The following PAX3 variants were observed in gnomAD, a reference collection of about 807,000 sequenced individuals.
PAX3 encodes paired box 3, also known as paired box protein Pax-3.
PAX3 carries 14 observed loss-of-function variants against 51.6 expected under a neutral mutation model. The ratio of observed to expected loss-of-function variants is 0.27; its 90% CI spans 0.18 to 0.42. PAX3 has a LOEUF of 0.42. Ranked by LOEUF, PAX3 falls within the 10% of genes least tolerant of loss-of-function variation. The probability of loss-of-function intolerance (pLI) is 1.00; values close to 1 mark genes in which losing one functional copy is unlikely to be tolerated. For missense variants in PAX3, 540 were observed against 642.8 expected, an observed-to-expected ratio of 0.84 and a Z score of 1.73; for synonymous variants, 280 against 253.4, an observed-to-expected ratio of 1.11 and a Z score of -1.00.
intron 6 of PAX3, among the ~76,000 whole-genome samples, chr2:222,220,932 G>A (rs1483544012): frequency 1.3e-5 from 2 of 152,188 alleles, no homozygotes. Flanking sequence ...GTAAAACGTA[G>A]AGGTAAAATT....
At chr2:222,212,045 A>G (rs988880553) in intron 7 of PAX3, among the ~76,000 whole-genome samples, 2 of 152,134 alleles carry the variant, frequency 1.3e-5, no homozygotes, top group African/African-American at 4.8e-5. Flanking sequence ...CTATAATAGA[A>G]TAGAGTCTGG....
chr2:222,295,687 T>A, intron 2 of PAX3, 30 bp from the exon 3 acceptor site: 1 of 1,613,444 alleles, frequency 6.2e-7, no homozygotes, highest in Non-Finnish European at 8.5e-7. Context: ...CAGGCGTTGG[T>A]ACCCGGTACC....
chr2:222,257,720 G>A (rs911991527), intron 4 of PAX3, among the ~76,000 whole-genome samples: 2 of 152,176 alleles, frequency 1.3e-5, no homozygotes, highest in African/African-American at 4.8e-5. Context: ...AAAGACTAGA[G>A]GGCCCTTCGC....
At chr2:222,214,402 C>T (rs1691871611) in intron 7 of PAX3, 1 of 152,136 alleles carries the variant, frequency 6.6e-6, no homozygotes, top group Non-Finnish European at 1.5e-5. Flanking sequence ...CACTAATAAT[C>T]TCAATTTTAA....
At chr2:222,269,995 A>AT (rs892914343) in intron 4 of PAX3, among the ~76,000 whole-genome samples, 1 of 152,130 alleles carries the variant, frequency 6.6e-6, no homozygotes, top group Non-Finnish European at 1.5e-5. Context: ...TTTAGATAAT[A>AT]TTTTTCCATT....
intron 7 of PAX3, among the ~76,000 whole-genome samples, chr2:222,209,238 A>G (rs955192652): frequency 6.6e-6 from 1 of 152,202 alleles, no homozygotes; most frequent in Non-Finnish European, 1.5e-5. Flanking sequence ...TGTATGATGT[A>G]AGCAAATATT....
At chr2:222,282,472 C>A (rs1694680295) in intron 4 of PAX3, among the ~76,000 whole-genome samples, 2 of 152,124 alleles carry the variant, frequency 1.3e-5, no homozygotes, top group South Asian at 4.2e-4. Context: ...CAGCCATTCC[C>A]AAACTCAAGA....
At chr2:222,246,075 T>C (rs1375208418) in intron 4 of PAX3, among the ~76,000 whole-genome samples, 2 of 152,042 alleles carry the variant, frequency 1.3e-5, no homozygotes, top group Non-Finnish European at 2.9e-5. Flanking sequence ...AGTCAATGGG[T>C]TCACCATGAC....
chr2:222,288,558 C>A (rs879116291), intron 4 of PAX3, among the ~76,000 whole-genome samples: 4 of 152,132 alleles, frequency 2.6e-5, no homozygotes, highest in Admixed American at 2.6e-4. Context: ...GCTATGTTTT[C>A]ATTAAATAAT....
chr2:222,254,127 T>G (rs1693545337), intron 4 of PAX3, among the ~76,000 whole-genome samples: 1 of 152,088 alleles, frequency 6.6e-6, no homozygotes, highest in East Asian at 1.9e-4. Context: ...ACATCCAATC[T>G]CCAGGAAATG....
At chr2:222,218,288 T>C (rs1225810233) in intron 7 of PAX3, among the ~76,000 whole-genome samples, 1 of 152,194 alleles carries the variant, frequency 6.6e-6, no homozygotes, top group Non-Finnish European at 1.5e-5. Flanking sequence ...GGAGATCACA[T>C]TCTAGCAATT....
rs754362174 is a variant in PAX3 at position 222,201,267 on chromosome 2, C to T, written c.*141G>A. On this transcript the variant is annotated 3_prime_UTR_variant, in exon 9 of 9. Coordinates refer to ENST00000392070, the MANE Select transcript of PAX3 (RefSeq NM_181458.4). ...TATTGGAGGAAGAAAATCAATCACT[C>T]TCCTTTGTCTCCTATTGGGACCACT... The T allele has an allele frequency of 6.2e-7, 1 of 1,613,928 alleles. No homozygotes were observed. The highest frequency in any genetic ancestry group is 8.5e-7 in the Non-Finnish European group (1 of 1,179,994).
chr2:222,256,754 TG>T (rs369621753), intron 4 of PAX3, among the ~76,000 whole-genome samples: 2 of 152,382 alleles, frequency 1.3e-5, no homozygotes, highest in East Asian at 3.9e-4. Context: ...TGACACAATT[TG>T]TTTTAGAGAA....
At chr2:222,238,341 T>G (rs1162707927) in intron 4 of PAX3, among the ~76,000 whole-genome samples, 8 of 152,220 alleles carry the variant, frequency 5.3e-5, no homozygotes, top group Non-Finnish European at 7.3e-5. Context: ...AACACTATTA[T>G]ACATGAAATC....
At chr2:222,249,801 C>A (rs1382140150) in intron 4 of PAX3, among the ~76,000 whole-genome samples, 1 of 152,138 alleles carries the variant, frequency 6.6e-6, no homozygotes, top group Non-Finnish European at 1.5e-5. Flanking sequence ...CTATGTCTGC[C>A]CTTCCTGCTA....
chr2:222,232,478 T>C (rs1227072728), intron 4 of PAX3, among the ~76,000 whole-genome samples, 195 bp from the exon 5 acceptor site: 2 of 152,180 alleles, frequency 1.3e-5, no homozygotes, highest in African/African-American at 4.8e-5. Flanking sequence ...GCATTCCCAA[T>C]GTCTTCCATG....
intron 5 of PAX3, chr2:222,221,719 G>A (rs1420572966): frequency 2.9e-6 from 1 of 344,376 alleles, no homozygotes; most frequent in Non-Finnish European, 5.6e-6. Context: ...CCTACGTGTA[G>A]ACAGCCTTCT....
intron 4 of PAX3, among the ~76,000 whole-genome samples, chr2:222,237,326 G>GCACACACACACA (rs3075849): frequency 0.019 from 2,770 of 146,508 alleles, 44 homozygotes; most frequent in East Asian, 0.068. Flanking sequence ...TTTATCACAT[G>GCACACACACACA]CACACACACA....
intron 7 of PAX3, among the ~76,000 whole-genome samples, chr2:222,208,922 C>T (rs1396992974): frequency 6.6e-6 from 1 of 152,148 alleles, no homozygotes; most frequent in Non-Finnish European, 1.5e-5. Flanking sequence ...TAAGGAAATG[C>T]AAGGCTGATT....
Sources: gnomAD v4.1 joint callset for allele counts (sites outside exome capture counted in the v4.1 genomes callset) on GRCh38, gnomAD v4.1.1 for gene constraint, MANE v1.5 for transcripts, NCBI Gene and HGNC (gene_info 2026-07-23, HGNC 2026-07-21) for gene names.